The following BRWD3 variants were observed in gnomAD, a reference collection of about 807,000 sequenced individuals.
The protein encoded by BRWD3 is bromodomain and WD repeat domain containing 3, also known as bromodomain and WD repeat-containing protein 3.
A neutral mutation model predicts 149.7 loss-of-function variants in BRWD3; 10 were observed. The observed-to-expected ratio is 0.07, with a 90% CI of 0.04 to 0.11. The LOEUF (loss-of-function observed/expected upper bound fraction) is 0.11. Among genes scored for constraint, BRWD3 ranks in the 10% least tolerant of loss-of-function variants. BRWD3 has a pLI of 1.00. For synonymous variants in BRWD3, 504 were observed against 456.7 expected (o/e 1.10, Z -1.32); for missense variants, 940 against 1,373.2 (o/e 0.68, Z 4.99).
intron 8 of BRWD3, among the ~76,000 whole-genome samples, chrX:80,742,509 C>G (rs182851363): frequency 9.1e-6 from 1 of 109,471 alleles, no homozygotes; most frequent in South Asian, 4.1e-4. Context: ...TTTCACGATA[C>G]TGATTCTTCC....
rs796990134 is a variant in BRWD3, at chrX:80,750,936, A to C, written c.431-5207T>G. 1.2e-4 allele frequency among the ~76,000 whole-genome samples: 13 copies of C among 111,240 alleles called. No homozygotes were observed. In the South Asian group the frequency reaches 4.9e-3, roughly 42 times the overall value. On this transcript the variant is annotated intron_variant, in intron 6 of 40. Transcript: ENST00000373275. ...TTATAAAGGAAAGAAATTGGAAATTATGCCATTCACAACAACTTGGATGAA... is the reference window on the plus strand; with the variant it reads ...TTATAAAGGAAAGAAATTGGAAATTCTGCCATTCACAACAACTTGGATGAA...
At chrX:80,736,150 C>T (rs189398085) in intron 8 of BRWD3, 62 bp from the exon 9 acceptor site, 32 of 684,640 alleles carry the variant, frequency 4.7e-5, no homozygotes, top group South Asian at 1.1e-4. Context: ...ACATCAAACA[C>T]GGAGTATTTT....
chrX:80,742,244 T>G lies in BRWD3; in HGVS notation c.813+1788A>C, dbSNP rs141159570. Among the ~76,000 whole-genome samples the G allele has an allele frequency of 6.3e-5, 7 of 110,626 alleles. No individual in the cohort carries two copies. In the East Asian group the frequency reaches 1.1e-3, roughly 18 times the overall value. On this transcript the variant is annotated intron_variant, in intron 8 of 40. Transcript: ENST00000373275. The stretch of plus-strand genomic sequence containing the variant: ...GTAGATATGTGGCATTATGTCTGAG[T>G]GCTCTGTTCTGTTCCATTGGTCTAT...
At chrX:80,749,884 A>G (rs2073643026) in intron 6 of BRWD3, among the ~76,000 whole-genome samples, 1 of 111,757 alleles carries the variant, frequency 8.9e-6, no homozygotes, top group African/African-American at 3.3e-5. Context: ...ATACTGACGT[A>G]GAAACAGACA....
intron 20 of BRWD3, chrX:80,710,157 G>A: frequency 1.9e-6 from 1 of 521,621 alleles, no homozygotes; most frequent in Admixed American, 2.3e-5. Context: ...ACTGATGATG[G>A]TAAACTGTTA....
At chrX:80,801,890 A>G (rs922873535) in intron 4 of BRWD3, among the ~76,000 whole-genome samples, 1 of 110,998 alleles carries the variant, frequency 9.0e-6, no homozygotes, top group Non-Finnish European at 1.9e-5. Flanking sequence ...GGATACAATC[A>G]GAAGGGTTGA....
At chrX:80,752,108 G>A (rs1480435500) in intron 6 of BRWD3, among the ~76,000 whole-genome samples, 2 of 107,761 alleles carry the variant, frequency 1.9e-5, no homozygotes, top group African/African-American at 6.8e-5. Context: ...GACCTCCTGG[G>A]CTCAACTGAT....
chrX:80,682,689 A>G, intron 37 of BRWD3, 61 bp from the exon 38 acceptor site: 1 of 1,065,666 alleles, frequency 9.4e-7, no homozygotes, highest in East Asian at 3.1e-5. Flanking sequence ...AGGTATAAAC[A>G]TGCCTAGACC....
At chrX:80,714,107 T>A (rs775636816) in intron 20 of BRWD3, among the ~76,000 whole-genome samples, 32 of 111,336 alleles carry the variant, frequency 2.9e-4, no homozygotes, top group Non-Finnish European at 5.3e-4. Context: ...CAACTAAGAG[T>A]CTGGCATCTT....
At chrX:80,713,100 C>T (rs1486072088) in intron 20 of BRWD3, among the ~76,000 whole-genome samples, 25 of 108,579 alleles carry the variant, frequency 2.3e-4, no homozygotes, top group Admixed American at 1.6e-3. Flanking sequence ...CCAGCCGCCC[C>T]GTCCGGGAGG....
intron 6 of BRWD3, among the ~76,000 whole-genome samples, chrX:80,777,603 T>C (rs763645184): frequency 9.0e-6 from 1 of 110,570 alleles, no homozygotes; most frequent in East Asian, 2.9e-4. Flanking sequence ...CTCACCACGC[T>C]GCCCAGGCTA....
intron 24 of BRWD3, among the ~76,000 whole-genome samples, chrX:80,700,433 G>GAGATATATATATATATATGTATAT (rs1555966842): frequency 1.8e-5 from 1 of 55,633 alleles, no homozygotes; most frequent in Non-Finnish European, 3.3e-5. Flanking sequence ...GAAAATATTT[G>GAGATATATATATATATATGTATAT]ATATATATAA....
rs1229042522 is a variant in BRWD3 at position 80,791,916 on chromosome X, G to A, written c.368C>T (p.Ala123Val). The change falls in exon 6 of 41, where the codon GCG becomes GTG. Residue 123 changes from alanine (A) to valine (V), a missense_variant. By Grantham distance (64) the Ala-to-Val change is moderately conservative (BLOSUM62 0). This residue lies in a region of BRWD3 where 105 missense variants were observed against 127.7 expected (regional missense o/e 0.82). Transcript: ENST00000373275. Reference sequence around the variant, plus strand: ...TGGAGGTCTGCCTCTATGCAGAGCCGCAAAAGCAGACCCATTCCATAGTGT... The same window carrying A: ...TGGAGGTCTGCCTCTATGCAGAGCCACAAAAGCAGACCCATTCCATAGTGT... Reference protein sequence around the residue: ...KSTLWNGSAFAALHRGRPPEL... With the variant: ...KSTLWNGSAFVALHRGRPPEL... 5.8e-6 allele frequency: 7 copies of A among 1,203,832 alleles called. No homozygotes were observed. Among genetic ancestry groups the A allele is most frequent in the East Asian group, 5.9e-5 (2 of 33,663 alleles).
chrX:80,687,742 C>A (rs1388873374), intron 34 of BRWD3, among the ~76,000 whole-genome samples: 2 of 109,949 alleles, frequency 1.8e-5, no homozygotes, highest in Non-Finnish European at 3.8e-5. Context: ...CATAACCAGC[C>A]CCTAGTAAAA....
intron 20 of BRWD3, among the ~76,000 whole-genome samples, chrX:80,713,892 C>A (rs1216129348): frequency 1.8e-5 from 2 of 111,723 alleles, no homozygotes; most frequent in African/African-American, 6.5e-5. Flanking sequence ...CATAGAGTCC[C>A]ATCAGAGCGG....
At chrX:80,768,396 A>G (rs1331855152) in intron 6 of BRWD3, among the ~76,000 whole-genome samples, 1 of 112,001 alleles carries the variant, frequency 8.9e-6, no homozygotes, top group Non-Finnish European at 1.9e-5. Flanking sequence ...CAAAAACTCT[A>G]CAAGCCAGAA....
intron 8 of BRWD3, among the ~76,000 whole-genome samples, chrX:80,736,309 G>A (rs1300380972): frequency 9.1e-6 from 1 of 110,016 alleles, no homozygotes; most frequent in Non-Finnish European, 1.9e-5. Context: ...CTGAACTTAG[G>A]GTAAAATGTT....
rs2072446382 is a variant in BRWD3 at position 80,681,496 on chromosome X, G to A, written c.4499C>T (p.Ser1500Leu). The A allele has an allele frequency of 8.3e-7, 1 of 1,199,150 alleles. No homozygotes were observed. The highest frequency in any genetic ancestry group is 1.7e-5 in the African/African-American group (1 of 57,409). The change falls in exon 40 of 41, where the codon TCA (serine) becomes TTA (leucine). Residue 1500 changes from serine to leucine, a missense_variant. Coordinates refer to ENST00000373275, the MANE Select transcript of BRWD3 (RefSeq NM_153252.5). ...RTSSPFSSPV[S>L]DAAEGLSLYL... ...TAGTGAAAGCCCTTCAGCAGCATCT[G>A]AAACTTACATTTTAAAAGATTTTAA...
chrX:80,690,693 A>G (rs1386268691), intron 31 of BRWD3, among the ~76,000 whole-genome samples: 2 of 111,218 alleles, frequency 1.8e-5, no homozygotes, highest in Non-Finnish European at 3.8e-5. Context: ...TGGTAACTAA[A>G]TCTAATTAAC....
Sources: allele counts gnomAD v4.1 joint callset (sites outside exome capture counted in the v4.1 genomes callset), GRCh38; gene constraint gnomAD v4.1.1; regional missense constraint gnomAD v4.1.1; transcripts MANE v1.5; gene names NCBI Gene and HGNC (gene_info 2026-07-23, HGNC 2026-07-21).